Variants in DCTN3 observed in about 807,000 individuals in gnomAD.
DCTN3 encodes dynactin subunit 3, also known as dynactin 3 (p22).
A neutral mutation model predicts 28.4 loss-of-function variants in DCTN3; 25 were observed. The observed-to-expected ratio is 0.88, with a 90% CI of 0.64 to 1.23. DCTN3 has a LOEUF of 1.23. DCTN3 is among the 50% of genes most tolerant of loss of function. DCTN3 has a pLI of 0.00. For missense variants in DCTN3, 229 were observed against 232.0 expected, an observed-to-expected ratio of 0.99 and a Z score of 0.08; for synonymous variants, 81 against 91.4, an observed-to-expected ratio of 0.89 and a Z score of 0.65.
At chr9:34,615,775 C>A (rs923512351) in intron 4 of DCTN3, 2 of 323,744 alleles carry the variant, frequency 6.2e-6, no homozygotes, top group Non-Finnish European at 1.2e-5. Context: ...TGGTGGCACA[C>A]ACCTGTAATC....
chr9:34,619,330 T>C (rs1820497280), intron 1 of DCTN3, among the ~76,000 whole-genome samples: 2 of 152,200 alleles, frequency 1.3e-5, no homozygotes, highest in South Asian at 4.1e-4. Context: ...CAACTAGACA[T>C]AAAAGTCTGG....
At position 34,616,662 on chromosome 9, in the gene DCTN3, T is replaced by C. The variant is rs2132301522; in HGVS notation, c.269-549A>G. 6.6e-6 allele frequency: 1 copy of C among 151,940 alleles called. No individual in the cohort carries two copies. The allele number at this position is 151,940 out of a possible 1,614,324, so 9.4% of individuals were successfully genotyped here. ...TTTCAATGCACTGAAATCCATAGAGTGGGAAGGGTATTCAAGAGAGAGGAC... is the reference window on the plus strand; with the variant it reads ...TTTCAATGCACTGAAATCCATAGAGCGGGAAGGGTATTCAAGAGAGAGGAC... On this transcript the variant is annotated intron_variant, in intron 3 of 6. Coordinates refer to ENST00000259632, the MANE Select transcript of DCTN3 (RefSeq NM_007234.5). This position sits in a 1 kb window ranked among gnomAD's most constrained non-coding sequence, Gnocchi z 4.7.
chr9:34,615,746 T>C (rs1219101316), intron 4 of DCTN3: 2 of 270,514 alleles, frequency 7.4e-6, no homozygotes, highest in South Asian at 4.9e-5. Context: ...ACCCCGTCTC[T>C]ACTAAAAATA....
At chr9:34,618,835 T>A (rs2132304232) in intron 1 of DCTN3, 75 bp from the exon 2 acceptor site, 1 of 1,138,582 alleles carries the variant, frequency 8.8e-7, no homozygotes, top group Non-Finnish European at 1.3e-6. Flanking sequence ...GAACCCTCAT[T>A]CTCCCAGACT....
intron 1 of DCTN3, among the ~76,000 whole-genome samples, chr9:34,619,420 G>A (rs1820499538): frequency 6.6e-6 from 1 of 152,184 alleles, no homozygotes; most frequent in Admixed American, 6.5e-5. Context: ...CCATGGAAGC[G>A]AGTGAGCCTA....
chr9:34,617,708 A>G, intron 3 of DCTN3, 177 bp downstream of exon 3: 1 of 1,501,638 alleles, frequency 6.7e-7, no homozygotes, highest in Admixed American at 2.0e-5. Context: ...GGTATACTGT[A>G]CTCAATGTCT....
chr9:34,616,050 AGCATGGGCACCAAG>A lies in DCTN3; in HGVS notation c.318_331del (p.Leu107GlyfsTer10). The A allele has an allele frequency of 6.2e-7, 1 of 1,614,170 alleles. No homozygotes were observed. On this transcript the variant is annotated frameshift_variant, in exon 4 of 7. Transcript: ENST00000259632. LOFTEE classifies it high-confidence loss of function. The surrounding 1 kb of genome is among the most constrained non-coding windows in gnomAD (Gnocchi z 4.7). Reference sequence around the variant, plus strand: ...GATACCTTTGATGTGAGCACTGTCCAGCATGGGCACCAAGGCATTCACCTGCTCCAGGAGTGCAA... The same window carrying A: ...GATACCTTTGATGTGAGCACTGTCCAGCATTCACCTGCTCCAGGAGTGCAA...
chr9:34,613,633 C>T lies in DCTN3; in HGVS notation c.*149G>A. 9.3e-7 allele frequency: 1 copy of T among 1,072,830 alleles called. No homozygotes were observed. The highest frequency in any genetic ancestry group is 1.3e-6 in the Non-Finnish European group (1 of 780,192). 66.5% of individuals were successfully genotyped at this position (1,072,830 alleles called of 1,614,324 possible). A position where few individuals can be genotyped will look rare whatever the true frequency, so the allele number is the denominator to read the frequency against. ...GTTGCAAATTGCAAACCTCAGGTAA[C>T]CTGACCTCCAACTTTAGAGCCCAGA... On this transcript the variant is annotated 3_prime_UTR_variant, in exon 7 of 7. Transcript: ENST00000259632.
chr9:34,617,427 G>C (rs1423663650), intron 3 of DCTN3, among the ~76,000 whole-genome samples: 1 of 152,250 alleles, frequency 6.6e-6, no homozygotes, highest in Non-Finnish European at 1.5e-5. Flanking sequence ...ATGGCTGACT[G>C]ATTAGCAGAC....
intron 4 of DCTN3, 191 bp from the exon 5 acceptor site, chr9:34,614,959 T>C (rs573772548): frequency 5.5e-4 from 349 of 630,480 alleles, no homozygotes; most frequent in African/African-American, 4.8e-3. Flanking sequence ...CCAGGACCCA[T>C]AGGGGAGGGG....
intron 5 of DCTN3, chr9:34,614,411 G>T: frequency 1.6e-6 from 1 of 634,848 alleles, no homozygotes; most frequent in Non-Finnish European, 2.7e-6. Context: ...TGGGAATAGT[G>T]AAAAAAGAGC....
chr9:34,615,941 C>T, intron 4 of DCTN3, 89 bp downstream of exon 4: 2 of 1,056,332 alleles, frequency 1.9e-6, no homozygotes, highest in Non-Finnish European at 2.8e-6. Context: ...CAACCCGAAT[C>T]CACACAACCT....
Position 34,620,466 on chromosome 9 carries a change from G to A in DCTN3, c.-2C>T, listed in dbSNP as rs1402959165. The A allele has an allele frequency of 3.9e-6, 6 of 1,549,600 alleles. No individual in the cohort carries two copies. Among genetic ancestry groups the A allele is most frequent in the African/African-American group, 1.4e-5 (1 of 73,080 alleles). ...CTGCAAGTCAGTCAGACCCGCCATC[G>A]CTACTACCGACCCACCTCGGCCAGG... On this transcript the variant is annotated 5_prime_UTR_variant, in exon 1 of 7. Coordinates refer to ENST00000259632, the MANE Select transcript of DCTN3 (RefSeq NM_007234.5).
chr9:34,617,872 A>ACAC lies in DCTN3; in HGVS notation c.268+12_268+13insGTG. 6.2e-7 allele frequency: 1 copy of ACAC among 1,613,684 alleles called. No homozygotes were observed. The highest frequency in any genetic ancestry group is 8.5e-7 in the Non-Finnish European group (1 of 1,179,744). On this transcript the variant is annotated intron_variant, in intron 3 of 6. Transcript: ENST00000259632. ...CATCCTCAGATGCATGTACACATGT[A>ACAC]GTCCAGCATTACCTGCTAGGATGAA...
chr9:34,614,566 G>T, intron 5 of DCTN3, 144 bp downstream of exon 5: 1 of 872,526 alleles, frequency 1.1e-6, no homozygotes. Context: ...CCTCCCTGGG[G>T]CATATGCAAG....
At chr9:34,618,488 G>A (rs1820474226) in intron 2 of DCTN3, among the ~76,000 whole-genome samples, 188 bp downstream of exon 2, 1 of 152,160 alleles carries the variant, frequency 6.6e-6, no homozygotes, top group East Asian at 1.9e-4. Flanking sequence ...TGGGCTTGAG[G>A]TTTAGCCACA....
rs1334706359 is a variant in DCTN3 at position 34,618,656 on chromosome 9, C to A, written c.181+20G>T. On this transcript the variant is annotated intron_variant, in intron 2 of 6. Transcript: ENST00000259632. ...AGGGGTGGGATGTCGGGCAGGCAGG[C>A]ACATCATGGAAGCACTTACTCTTTT... The A allele has an allele frequency of 6.2e-7, 1 of 1,602,414 alleles. No homozygotes were observed. The highest frequency in any genetic ancestry group is 8.6e-7 in the Non-Finnish European group (1 of 1,169,498).
In DCTN3 at chr9:34,617,963, G is replaced by A. The variant is rs745541553; in HGVS notation, c.190C>T (p.Leu64=). 3.1e-6 allele frequency: 5 copies of A among 1,612,766 alleles called. No homozygotes were observed. The highest frequency in any genetic ancestry group is 4.2e-6 in the Non-Finnish European group (5 of 1,178,868). ...VKILYKKIED[L]IKYLDPEYID... ...TACTCAGGATCCAGGTACTTGATCA[G>A]ATCTTCAACTAGAAAAGTAGCAAGA... is the stretch of plus-strand genomic sequence containing the variant. The change falls in exon 3 of 7, where the codon CTG becomes TTG. Residue 64 remains leucine (L), a synonymous_variant. Coordinates refer to ENST00000259632, the MANE Select transcript of DCTN3 (RefSeq NM_007234.5).
At chr9:34,620,265 C>G in intron 1 of DCTN3, 104 bp downstream of exon 1, 1 of 1,003,222 alleles carries the variant, frequency 1.0e-6, no homozygotes, top group Non-Finnish European at 1.5e-6. Context: ...ATTTCAAAGG[C>G]CGGGCTGCGG....
Sources: allele counts gnomAD v4.1 joint callset (sites outside exome capture counted in the v4.1 genomes callset), GRCh38; gene constraint gnomAD v4.1.1; non-coding constraint Gnocchi (gnomAD v3.1); transcripts MANE v1.5; gene names NCBI Gene and HGNC (gene_info 2026-07-23, HGNC 2026-07-21).